The following ODR4 variants were observed in gnomAD, a reference collection of about 807,000 sequenced individuals.
The protein encoded by ODR4 is odr-4 GPCR localization factor homolog, also known as protein odr-4 homolog.
In ODR4, 47 loss-of-function variants were observed where a neutral mutation model predicts 60.2. The ratio of observed to expected loss-of-function variants is 0.78; its 90% CI spans 0.62 to 1.00. The LOEUF (loss-of-function observed/expected upper bound fraction) is 1.00. Among genes scored for constraint, ODR4 ranks in the 50% least tolerant of loss-of-function variants. ODR4 has a pLI of 0.00. For synonymous variants in ODR4, 178 were observed against 175.5 expected (o/e 1.01, Z -0.11); for missense variants, 488 against 530.8 (o/e 0.92, Z 0.79).
At chr1:186,434,728 T>C in the ODR4 span, among the ~76,000 whole-genome samples, 1 of 152,206 alleles carries the variant, frequency 6.6e-6, no homozygotes, top group African/African-American at 2.4e-5. Context: ...TCTAAACTTC[T>C]GTGGGACTTA....
chr1:186,395,196 G>T (rs539975382), intron 9 of ODR4, among the ~76,000 whole-genome samples: 17 of 152,226 alleles, frequency 1.1e-4, no homozygotes, highest in African/African-American at 4.1e-4. Flanking sequence ...CTGGGTTCAC[G>T]CCATTCTCCT....
chr1:186,385,299 A>G (rs912339863), intron 3 of ODR4, among the ~76,000 whole-genome samples: 3 of 148,712 alleles, frequency 2.0e-5, no homozygotes, highest in African/African-American at 7.5e-5. Flanking sequence ...TTCAAATTCC[A>G]GATCTAGTAT....
Position 186,395,217 on chromosome 1 carries a change from C to T in ODR4, c.780+1202C>T, listed in dbSNP as rs192010257. ...TCACGCCATTCTCCTGCCTCAGCCT[C>T]CTGAGTAGCTGGGACTACAGGCGCC... On this transcript the variant is annotated intron_variant, in intron 9 of 13. Transcript: ENST00000287859. Among the ~76,000 whole-genome samples the T allele has an allele frequency of 1.7e-3, 252 of 152,232 alleles. 1 individual carries two copies. The highest frequency in any genetic ancestry group is 6.0e-3 in the African/African-American group (248 of 41,544).
intron 12 of ODR4, among the ~76,000 whole-genome samples, chr1:186,409,934 T>G (rs1313602445): frequency 1.3e-5 from 2 of 152,248 alleles, no homozygotes; most frequent in African/African-American, 4.8e-5. Context: ...TCACTAAACT[T>G]TCTTGTAGTT....
At position 186,417,405 on chromosome 1, in the gene ODR4, C is replaced by T. The variant is rs181350524; in HGVS notation, c.1187-139C>T. ...TAATTCACCTACAATTGATAATGAA[C>T]AAATTCAGTATGTTATATAAAAAAC... On this transcript the variant is annotated intron_variant, in intron 12 of 13. Transcript: ENST00000287859. 18 of 632,570 alleles carry T rather than the reference C, an allele frequency of 2.8e-5. No homozygotes were observed. In the Admixed American group the frequency reaches 5.6e-4, roughly 20 times the overall value. The allele number at this position is 632,570 out of a possible 1,614,324, so 39.2% of individuals were successfully genotyped here. A position where few individuals can be genotyped will look rare whatever the true frequency, so the allele number is the denominator to read the frequency against.
At position 186,386,099 on chromosome 1, in the gene ODR4, C is replaced by G. The variant is rs752881893; in HGVS notation, c.330+16C>G. The G allele has an allele frequency of 7.0e-6, 10 of 1,431,762 alleles. No individual in the cohort carries two copies. The highest frequency in any genetic ancestry group is 9.6e-6 in the Non-Finnish European group (10 of 1,039,512). The allele number at this position is 1,431,762 out of a possible 1,614,324, so 88.7% of individuals were successfully genotyped here. A position where few individuals can be genotyped will look rare whatever the true frequency, so the allele number is the denominator to read the frequency against. ...CCTGCGTAGAGTAAGTTTGATATATCGAAAATTCTTAATGAAATCAGTTAT... is the reference window on the plus strand; with the variant it reads ...CCTGCGTAGAGTAAGTTTGATATATGGAAAATTCTTAATGAAATCAGTTAT... On this transcript the variant is annotated intron_variant, in intron 4 of 13. Transcript: ENST00000287859.
Position 186,396,655 on chromosome 1 carries a change from T to G in ODR4, c.781-1658T>G, listed in dbSNP as rs549194129. Among the ~76,000 whole-genome samples the G allele has an allele frequency of 2.0e-5, 3 of 151,732 alleles. No homozygotes were observed. The South Asian group carries it at 6.2e-4, about 32-fold the overall frequency. ...ACCAACCAACCAAAAAAATACCTCTTTTCTTTAATATGTGTGTGTATAGTC... is the reference window on the plus strand; with the variant it reads ...ACCAACCAACCAAAAAAATACCTCTGTTCTTTAATATGTGTGTGTATAGTC... On this transcript the variant is annotated intron_variant, in intron 9 of 13. Transcript: ENST00000287859.
intron 9 of ODR4, 49 bp downstream of exon 9, chr1:186,394,064 T>C: frequency 2.9e-6 from 3 of 1,028,182 alleles, no homozygotes; most frequent in Non-Finnish European, 4.3e-6. Context: ...ATAACCATAA[T>C]GAAACTGTTT....
chr1:186,392,619 C>G (rs1571674210), intron 8 of ODR4, among the ~76,000 whole-genome samples: 1 of 152,068 alleles, frequency 6.6e-6, no homozygotes, highest in Non-Finnish European at 1.5e-5. Context: ...GAGTTTGAGA[C>G]CAGCCTGGTC....
chr1:186,423,960 T>C (rs547317567), downstream of ODR4, among the ~76,000 whole-genome samples: 29 of 152,340 alleles, frequency 1.9e-4, no homozygotes, highest in South Asian at 2.9e-3. Context: ...CCTCAGTCTT[T>C]CACACTGCAG....
chr1:186,429,843 A>T, the ODR4 span, among the ~76,000 whole-genome samples: 14 of 152,198 alleles, frequency 9.2e-5, no homozygotes, highest in Non-Finnish European at 1.5e-4. Context: ...ATAAATAATT[A>T]TGTTGGAAAT....
chr1:186,404,945 C>T (rs761716117), intron 11 of ODR4, among the ~76,000 whole-genome samples: 46 of 151,998 alleles, frequency 3.0e-4, no homozygotes, highest in Non-Finnish European at 2.4e-4. Context: ...TCATAAGGAT[C>T]GTAGCATTTA....
intron 2 of ODR4, among the ~76,000 whole-genome samples, chr1:186,381,286 A>G (rs1266777876): frequency 6.6e-6 from 1 of 152,196 alleles, no homozygotes; most frequent in African/African-American, 2.4e-5. Context: ...AGCTCAGGCA[A>G]ACTGCCATCT....
At chr1:186,409,697 C>T (rs932449276) in intron 12 of ODR4, among the ~76,000 whole-genome samples, 1 of 152,160 alleles carries the variant, frequency 6.6e-6, no homozygotes, top group African/African-American at 2.4e-5. Context: ...AGGTGCGTGC[C>T]ACCAAGCCCA....
chr1:186,428,568 T>C, the ODR4 span, among the ~76,000 whole-genome samples: 1 of 152,238 alleles, frequency 6.6e-6, no homozygotes, highest in African/African-American at 2.4e-5. Context: ...TTTTAATTTC[T>C]TTCAAGAACT....
At chr1:186,410,188 AAATT>A (rs1661320752) in intron 12 of ODR4, among the ~76,000 whole-genome samples, 1 of 152,206 alleles carries the variant, frequency 6.6e-6, no homozygotes, top group Non-Finnish European at 1.5e-5. Context: ...CATACTTGAG[AAATT>A]ATTAGCTTAT....
At chr1:186,421,597 G>A (rs1271565817), downstream of ODR4, among the ~76,000 whole-genome samples, 1 of 152,050 alleles carries the variant, frequency 6.6e-6, no homozygotes, top group Non-Finnish European at 1.5e-5. Flanking sequence ...CAGGCACGGT[G>A]GCTCACACTT....
chr1:186,377,742 G>A (rs1346380782), intron 1 of ODR4, among the ~76,000 whole-genome samples: 3 of 152,072 alleles, frequency 2.0e-5, no homozygotes, highest in African/African-American at 7.2e-5. Flanking sequence ...CACGTCTATT[G>A]TTGTCAAAAA....
chr1:186,421,414 T>G (rs1243948430), downstream of ODR4: 1 of 152,158 alleles, frequency 6.6e-6, no homozygotes, highest in East Asian at 1.9e-4. Flanking sequence ...ATTGTAAAAT[T>G]GGATAATAGC....
Sources: gnomAD v4.1 joint callset for allele counts (sites outside exome capture counted in the v4.1 genomes callset) on GRCh38, gnomAD v4.1.1 for gene constraint, MANE v1.5 for transcripts, NCBI Gene and HGNC (gene_info 2026-07-23, HGNC 2026-07-21) for gene names.